COL14A1: variants seen among roughly 807,000 people sequenced by gnomAD.
The protein encoded by COL14A1 is collagen type XIV alpha 1 chain.
Under a neutral mutation model 230.3 loss-of-function variants are expected in COL14A1, and 136 were observed. That is an observed-to-expected ratio of 0.59 (90% CI 0.51 to 0.68). COL14A1 has a LOEUF of 0.68. Ranked by LOEUF, COL14A1 falls within the 30% of genes least tolerant of loss-of-function variation. The probability of loss-of-function intolerance (pLI) is 0.00; values close to 1 mark genes in which losing one functional copy is unlikely to be tolerated. For synonymous variants in COL14A1, 792 were observed against 784.1 expected (o/e 1.01, Z -0.17); for missense variants, 1,976 against 2,215.8 (o/e 0.89, Z 2.17).
chr8:120,206,929 T>A lies in COL14A1; in HGVS notation c.1040-14T>A, dbSNP rs1340638506. 3 of 1,589,694 alleles carry A rather than the reference T, an allele frequency of 1.9e-6. No individual in the cohort carries two copies. Among genetic ancestry groups the A allele is most frequent in the Admixed American group, 1.9e-5 (1 of 53,694 alleles). On this transcript the variant is annotated splice_polypyrimidine_tract_variant and intron_variant, in intron 9 of 47. Transcript: ENST00000297848. ...TTGGGTAAGAGGTTTATTTGATATGTTTTTTTAATTTAGCCTCAGCCCATG... is the reference window on the plus strand; with the variant it reads ...TTGGGTAAGAGGTTTATTTGATATGATTTTTTAATTTAGCCTCAGCCCATG...
At chr8:120,319,932 A>G (rs868106952) in intron 40 of COL14A1, among the ~76,000 whole-genome samples, 1 of 152,256 alleles carries the variant, frequency 6.6e-6, no homozygotes, top group South Asian at 2.1e-4. Context: ...TTTTCGTCTC[A>G]TCTTTCATTT....
intron 13 of COL14A1, among the ~76,000 whole-genome samples, chr8:120,214,978 G>T (rs756051532): frequency 6.6e-6 from 1 of 152,190 alleles, no homozygotes; most frequent in Admixed American, 6.5e-5. Flanking sequence ...ATGAGCATGC[G>T]TGGCAGGTTC....
At chr8:120,251,921 A>C (rs1009460763) in intron 22 of COL14A1, among the ~76,000 whole-genome samples, 3 of 151,892 alleles carry the variant, frequency 2.0e-5, no homozygotes, top group African/African-American at 4.8e-5. Flanking sequence ...TTTTCTATCT[A>C]TTTTGTAACT....
At chr8:120,345,889 G>A (rs1822493053) in intron 45 of COL14A1, among the ~76,000 whole-genome samples, 1 of 152,210 alleles carries the variant, frequency 6.6e-6, no homozygotes, top group African/African-American at 2.4e-5. Context: ...CCAGGTTGAA[G>A]AATTGGAAAA....
At position 120,345,526 on chromosome 8, in the gene COL14A1, C is replaced by T. The variant is rs761084737; in HGVS notation, c.5040C>T (p.Pro1680=). ...GACCCCCAGGCACACCAGGCTTCCC[C>T]GGAAATGCAGGCGTGCCAGGGACCC... ...EQGPPGTPGF[P]GNAGVPGTPG... The change falls in exon 45 of 48, where the codon CCC becomes CCT. Residue 1680 remains proline, a synonymous_variant. Transcript: ENST00000297848. 22 of 1,571,018 alleles carry T rather than the reference C, an allele frequency of 1.4e-5. No homozygotes were observed. The highest frequency in any genetic ancestry group is 8.3e-5 in the African/African-American group (6 of 71,976).
intron 34 of COL14A1, among the ~76,000 whole-genome samples, chr8:120,290,689 G>A (rs944747321): frequency 6.6e-6 from 1 of 152,178 alleles, no homozygotes; most frequent in African/African-American, 2.4e-5. Context: ...CCTATACTAT[G>A]TCAAATAAAT....
intron 13 of COL14A1, among the ~76,000 whole-genome samples, chr8:120,214,938 C>A (rs1817706810): frequency 6.6e-6 from 1 of 152,094 alleles, no homozygotes; most frequent in African/African-American, 2.4e-5. Context: ...GCCTTGAAGG[C>A]AAAGAGAAGG....
intron 40 of COL14A1, among the ~76,000 whole-genome samples, chr8:120,331,463 G>T (rs1821862343): frequency 6.6e-6 from 1 of 152,148 alleles, no homozygotes; most frequent in Non-Finnish European, 1.5e-5. Context: ...CCCAGCTTTT[G>T]TAGTTTTTTT....
intron 40 of COL14A1, among the ~76,000 whole-genome samples, chr8:120,321,426 G>A (rs1024077868): frequency 1.3e-5 from 2 of 152,078 alleles, no homozygotes; most frequent in African/African-American, 4.8e-5. Flanking sequence ...GGATCACAAG[G>A]TCAGGCGTTC....
intron 19 of COL14A1, among the ~76,000 whole-genome samples, chr8:120,234,446 G>A (rs1256892145): frequency 1.3e-5 from 2 of 152,166 alleles, no homozygotes; most frequent in South Asian, 4.2e-4. Flanking sequence ...ATTGACTGTG[G>A]GTTTGTCATA....
chr8:120,360,308 G>A (rs1163329679), intron 45 of COL14A1, among the ~76,000 whole-genome samples: 1 of 152,134 alleles, frequency 6.6e-6, no homozygotes, highest in Non-Finnish European at 1.5e-5. Flanking sequence ...AGAATATGAA[G>A]TCCGAACATA....
chr8:120,266,066 A>C (rs1819492871), intron 24 of COL14A1, among the ~76,000 whole-genome samples: 2 of 152,046 alleles, frequency 1.3e-5, no homozygotes, highest in Admixed American at 6.6e-5. Flanking sequence ...AGTTTTTCTT[A>C]AATCTTTAGT....
intron 7 of COL14A1, among the ~76,000 whole-genome samples, 180 bp downstream of exon 7, chr8:120,198,110 T>TGG (rs1817105807): frequency 6.6e-6 from 1 of 152,190 alleles, no homozygotes; most frequent in Non-Finnish European, 1.5e-5. Context: ...TCATTCCTTT[T>TGG]ACTCTATGAC....
chr8:120,189,198 C>T (rs1037930278), intron 5 of COL14A1, among the ~76,000 whole-genome samples: 1 of 152,156 alleles, frequency 6.6e-6, no homozygotes, highest in African/African-American at 2.4e-5. Flanking sequence ...GCTGTTTGCC[C>T]CTGGCACAGG....
intron 14 of COL14A1, among the ~76,000 whole-genome samples, chr8:120,224,449 A>G (rs979717870): frequency 6.6e-6 from 1 of 151,918 alleles, no homozygotes; most frequent in Non-Finnish European, 1.5e-5. Context: ...AGCCCAACCC[A>G]CCCATCTTCT....
intron 45 of COL14A1, among the ~76,000 whole-genome samples, chr8:120,355,499 G>GC (rs911596892): frequency 4.1e-5 from 6 of 147,424 alleles, no homozygotes; most frequent in African/African-American, 1.3e-4. Context: ...TGCAACCTCC[G>GC]CCCCCCGGGT....
intron 30 of COL14A1, 50 bp downstream of exon 30, chr8:120,280,799 C>G (rs1820009946): frequency 2.5e-6 from 4 of 1,576,030 alleles, no homozygotes; most frequent in South Asian, 2.4e-5. Context: ...ACAGGCCTCT[C>G]AATTGGGGAT....
At chr8:120,193,990 C>T (rs1816935293) in intron 5 of COL14A1, among the ~76,000 whole-genome samples, 5 of 152,194 alleles carry the variant, frequency 3.3e-5, no homozygotes, top group Admixed American at 6.5e-5. Flanking sequence ...CTCCCTGACC[C>T]CTTGCGCTTC....
intron 42 of COL14A1, among the ~76,000 whole-genome samples, chr8:120,336,613 C>T (rs2130240525): frequency 6.6e-6 from 1 of 152,222 alleles, no homozygotes; most frequent in South Asian, 2.1e-4. Context: ...CACTGTCTGG[C>T]TTCAATCTCT....
Sources: allele counts gnomAD v4.1 joint callset (sites outside exome capture counted in the v4.1 genomes callset), GRCh38; gene constraint gnomAD v4.1.1; transcripts MANE v1.5; gene names NCBI Gene and HGNC (gene_info 2026-07-23, HGNC 2026-07-21).